The following ACAP1 variants were observed in gnomAD, a reference collection of about 807,000 sequenced individuals.
The protein encoded by ACAP1 is arf-GAP with coiled-coil, ANK repeat and PH domain-containing protein 1.
In ACAP1, 45 loss-of-function variants were observed where a neutral mutation model predicts 98.8. That is an observed-to-expected ratio of 0.46 (90% CI 0.36 to 0.58). The LOEUF (loss-of-function observed/expected upper bound fraction) is 0.58. Ranked by LOEUF, ACAP1 falls within the 20% of genes least tolerant of loss-of-function variation. ACAP1 has a pLI of 0.00. For synonymous variants in ACAP1, 362 were observed against 375.3 expected, an observed-to-expected ratio of 0.96 and a Z score of 0.41; for missense variants, 735 against 971.4, an observed-to-expected ratio of 0.76 and a Z score of 3.24.
chr17:7,343,911 G>A lies in ACAP1; in HGVS notation c.624G>A (p.Glu208=), dbSNP rs1447266719. 2 of 1,610,552 alleles carry A rather than the reference G, an allele frequency of 1.2e-6. No individual in the cohort carries two copies. Among genetic ancestry groups the A allele is most frequent in the South Asian group, 2.2e-5 (2 of 90,852 alleles). Residue 208 remains glutamate (E), a synonymous_variant, in exon 8 of 22, where the codon GAG becomes GAA. Coordinates refer to ENST00000158762, the MANE Select transcript of ACAP1 (RefSeq NM_014716.4). The surrounding 1 kb of genome is among the most constrained non-coding windows in gnomAD (Gnocchi z 4.9). ...CTACCCATTTCCAGCAGGGCCATGA[G>A]GAGCTGAGCCGGCTGTCCCAGTATC... ...AQATHFQQGH[E]ELSRLSQYRK...
Position 7,344,009 on chromosome 17 carries a change from G to A in ACAP1, c.670-40G>A, listed in dbSNP as rs373510804. On this transcript the variant is annotated intron_variant, in intron 8 of 21. Coordinates refer to ENST00000158762, the MANE Select transcript of ACAP1 (RefSeq NM_014716.4). The surrounding 1 kb of genome is among the most constrained non-coding windows in gnomAD (Gnocchi z 4.9). ...AGAGGGAGGTTAGGGACTCCTAACT[G>A]GGGGGCCTTGGACATCTGAGATGCC... The A allele has an allele frequency of 5.0e-5, 79 of 1,575,984 alleles. No homozygotes were observed. Among genetic ancestry groups the A allele is most frequent in the Non-Finnish European group, 6.2e-5 (72 of 1,160,236 alleles).
intron 2 of ACAP1, among the ~76,000 whole-genome samples, chr17:7,340,578 C>A (rs1284010125): frequency 1.3e-5 from 2 of 152,182 alleles, no homozygotes; most frequent in Non-Finnish European, 2.9e-5. Flanking sequence ...GGTGCAGTGG[C>A]TCATGCCTGT....
At chr17:7,342,740 A>G (rs2073300357) in intron 5 of ACAP1, 2 of 502,114 alleles carry the variant, frequency 4.0e-6, no homozygotes, top group Non-Finnish European at 7.2e-6. Context: ...GCTCTACTAA[A>G]AAATACGAAA....
chr17:7,337,264 C>T, intron 1 of ACAP1, 48 bp from the exon 2 acceptor site: 1 of 1,586,066 alleles, frequency 6.3e-7, no homozygotes, highest in Non-Finnish European at 8.7e-7. Flanking sequence ...ATGAGGCAGA[C>T]AGACCAGATG....
intron 12 of ACAP1, 76 bp downstream of exon 12, chr17:7,346,567 T>C (rs1473369115): frequency 3.0e-6 from 4 of 1,339,390 alleles, no homozygotes; most frequent in Non-Finnish European, 3.1e-6. Context: ...CCCACCACAA[T>C]GGAGGCCCCC....
At chr17:7,340,803 G>A (rs2073268393) in intron 2 of ACAP1, among the ~76,000 whole-genome samples, 1 of 152,126 alleles carries the variant, frequency 6.6e-6, no homozygotes, top group Non-Finnish European at 1.5e-5. Flanking sequence ...CCAAGATCAT[G>A]CCATTGCACT....
intron 2 of ACAP1, among the ~76,000 whole-genome samples, chr17:7,339,372 A>T (rs924564301): frequency 7.2e-5 from 11 of 152,164 alleles, no homozygotes; most frequent in Admixed American, 3.3e-4. Context: ...GCACTTTGGT[A>T]GGCTGCGGCA....
At chr17:7,337,229 C>G in intron 1 of ACAP1, 83 bp from the exon 2 acceptor site, 1 of 1,333,970 alleles carries the variant, frequency 7.5e-7, no homozygotes, top group Non-Finnish European at 1.1e-6. Context: ...TCCGTACCCA[C>G]CGCCCTGCGA....
Position 7,340,534 on chromosome 17 carries a change from T to C in ACAP1, c.112-1414T>C, listed in dbSNP as rs771669159. The stretch of plus-strand genomic sequence containing the variant: ...GTACCTTGTCACAGACAACCCATGG[T>C]GATGTCTGATAAGATTTGATCTCGG... On this transcript the variant is annotated intron_variant, in intron 2 of 21. Transcript: ENST00000158762. Among the ~76,000 whole-genome samples, 3 of 152,158 alleles carry C rather than the reference T, an allele frequency of 2.0e-5. No individual in the cohort carries two copies. In the East Asian group the frequency reaches 5.8e-4, roughly 29 times the overall value.
At chr17:7,347,274 C>T (rs1258154016) in intron 14 of ACAP1, 32 bp downstream of exon 14, 2 of 1,578,682 alleles carry the variant, frequency 1.3e-6, no homozygotes, top group Non-Finnish European at 8.7e-7. Flanking sequence ...GGGAGCCCCA[C>T]TCCTTCGGGC....
intron 1 of ACAP1, 98 bp from the exon 2 acceptor site, chr17:7,337,214 T>C: frequency 8.7e-7 from 1 of 1,143,802 alleles, no homozygotes; most frequent in Non-Finnish European, 1.3e-6. Context: ...TCTGCAGCTT[T>C]CTCCTCCGTA....
Position 7,348,383 on chromosome 17 carries a change from G to A in ACAP1, c.1586G>A (p.Arg529Gln), listed in dbSNP as rs767071679. The change falls in exon 17 of 22, where the codon CGA (arginine) becomes CAA (glutamine). Residue 529 changes from arginine to glutamine, a missense_variant. Physicochemically the swap from Arg to Gln is conservative, Grantham distance 43. Around this residue, in one of 5 missense-constraint regions of ACAP1, gnomAD observed 80 missense variants for 64.4 expected, o/e 1.24. Transcript: ENST00000158762. ...FLTKLPEIRG[R>Q]RGGRGRPRGQ... ...ACCAAGCTGCCTGAGATTCGAGGGCGAAGAGGTGGCCGGGGGCGCCCAAGG... is the reference window on the plus strand; with the variant it reads ...ACCAAGCTGCCTGAGATTCGAGGGCAAAGAGGTGGCCGGGGGCGCCCAAGG... 5.7e-6 allele frequency: 9 copies of A among 1,570,184 alleles called. No homozygotes were observed. The highest frequency in any genetic ancestry group is 3.7e-5 in the Admixed American group (2 of 54,150).
intron 12 of ACAP1, 130 bp downstream of exon 12, chr17:7,346,621 G>C: frequency 8.6e-7 from 1 of 1,161,840 alleles, no homozygotes; most frequent in South Asian, 1.5e-5. Flanking sequence ...CGGCTGGACT[G>C]GGGGGCCATT....
Position 7,342,057 on chromosome 17 carries a change from C to A in ACAP1, c.221C>A (p.Pro74His). The change falls in exon 3 of 22, where the codon CCC becomes CAC. Residue 74 changes from proline to histidine, a missense_variant. By Grantham distance (77) the Pro-to-His change is moderately conservative. Around this residue, in one of 5 missense-constraint regions of ACAP1, gnomAD observed 430 missense variants for 531.8 expected, o/e 0.81. Coordinates refer to ENST00000158762, the MANE Select transcript of ACAP1 (RefSeq NM_014716.4). ...CTGGCCCGCCTGGGTCCACCAGAGC[C>A]CATGATGGCGGTATGCGGAGGGTCT... The part of the protein sequence containing the change: ...CDLARLGPPE[P>H]MMAECLEKFT... 6.2e-7 allele frequency: 1 copy of A among 1,613,978 alleles called. No individual in the cohort carries two copies. Among genetic ancestry groups the A allele is most frequent in the Non-Finnish European group, 8.5e-7 (1 of 1,179,984 alleles).
At chr17:7,347,769 G>A in intron 14 of ACAP1, 153 bp from the exon 15 acceptor site, 2 of 643,668 alleles carry the variant, frequency 3.1e-6, no homozygotes, top group Non-Finnish European at 5.6e-6. Context: ...CTACATGGCG[G>A]TTACATGGCC....
intron 5 of ACAP1, 86 bp downstream of exon 5, chr17:7,342,560 G>T (rs1343677116): frequency 7.0e-7 from 1 of 1,434,626 alleles, no homozygotes; most frequent in East Asian, 2.3e-5. Context: ...GAGCCCAGGA[G>T]TTGGACACCA....
At position 7,346,946 on chromosome 17, in the gene ACAP1, G is replaced by A; in HGVS notation, c.1131+15G>A. On this transcript the variant is annotated intron_variant, in intron 13 of 21. Coordinates refer to ENST00000158762, the MANE Select transcript of ACAP1 (RefSeq NM_014716.4). ...GTCCAGGCCAGGTACCTTAACCTGG[G>A]GGTGCGGAGCCAGGCTGCCTGTGGA... 1 of 1,605,414 alleles carries A rather than the reference G, an allele frequency of 6.2e-7. No homozygotes were observed. Among genetic ancestry groups the A allele is most frequent in the South Asian group, 1.1e-5 (1 of 90,598 alleles).
intron 21 of ACAP1, 109 bp from the exon 22 acceptor site, chr17:7,351,186 G>A: frequency 2.6e-6 from 3 of 1,138,360 alleles, no homozygotes; most frequent in Non-Finnish European, 2.5e-6. Flanking sequence ...CGGCGCGCAC[G>A]TTCCCACCCA....
rs749168461 is a variant in ACAP1, at chr17:7,336,810, G to A, written c.53+23G>A. 9.3e-6 allele frequency: 15 copies of A among 1,612,940 alleles called. No homozygotes were observed. In the East Asian group the frequency reaches 3.1e-4, roughly 34 times the overall value. The stretch of plus-strand genomic sequence containing the variant: ...CCGGTAAGTGTGAACTGGTCTGGGG[G>A]GCTAAGGAGGGGAAAGTCTAACACC... On this transcript the variant is annotated intron_variant, in intron 1 of 21. Coordinates refer to ENST00000158762, the MANE Select transcript of ACAP1 (RefSeq NM_014716.4).
Sources: gnomAD v4.1 joint callset for allele counts (sites outside exome capture counted in the v4.1 genomes callset) on GRCh38, gnomAD v4.1.1 for gene constraint, gnomAD v4.1.1 regional missense constraint, Gnocchi (gnomAD v3.1) non-coding constraint, MANE v1.5 for transcripts, NCBI Gene and HGNC (gene_info 2026-07-23, HGNC 2026-07-21) for gene names.